SP110: variants seen among roughly 807,000 people sequenced by gnomAD.
SP110 encodes the protein SP110 nuclear body protein, also known as interferon-induced protein 41, 30kD.
A neutral mutation model predicts 92.7 loss-of-function variants in SP110; 62 were observed. That is an observed-to-expected ratio of 0.67 (90% CI 0.55 to 0.83). The LOEUF is 0.83. SP110 is among the 40% of genes least tolerant of loss of function. The pLI is 0.00. For missense variants in SP110, 793 were observed against 863.9 expected (o/e 0.92, Z 1.03); for synonymous variants, 273 against 305.3 (o/e 0.89, Z 1.10).
chr2:230,202,441 T>C, intron 9 of SP110, 138 bp downstream of exon 9: 3 of 768,666 alleles, frequency 3.9e-6, no homozygotes, highest in Non-Finnish European at 6.4e-6. Flanking sequence ...TTTGTTCCTC[T>C]TGTTATACCC....
At chr2:230,218,499 ATCAGTGCAAAG>A (rs1217717838) in intron 1 of SP110, among the ~76,000 whole-genome samples, 1 of 152,208 alleles carries the variant, frequency 6.6e-6, no homozygotes, top group Non-Finnish European at 1.5e-5. Context: ...TAGTGCAAAG[ATCAGTGCAAAG>A]TCAGAGAAAG....
In SP110 at chr2:230,212,898, CA is replaced by C. The variant is rs755463470; in HGVS notation, c.445del (p.Cys149ValfsTer22). ...LPPPQPPQPS[C>X]SPCAPRVSEP... ...ACTGACTCTTGGCGCACAGGGTGAA[CA>C]GCTTGGTTGAGGGGGTTGTGGTGGG... On this transcript the variant is annotated frameshift_variant, in exon 4 of 19. Transcript: ENST00000258381. LOFTEE classifies it high-confidence loss of function. 1 of 1,613,936 alleles carries C rather than the reference CA, an allele frequency of 6.2e-7. No homozygotes were observed. The highest frequency in any genetic ancestry group is 2.2e-5 in the East Asian group (1 of 44,868).
chr2:230,198,627 C>G (rs1242680216), intron 10 of SP110, among the ~76,000 whole-genome samples: 1 of 152,020 alleles, frequency 6.6e-6, no homozygotes, highest in Non-Finnish European at 1.5e-5. Flanking sequence ...TGGAGTCTTG[C>G]TCTGTTGCCC....
At chr2:230,179,276 G>A (rs2148719743) in intron 12 of SP110, among the ~76,000 whole-genome samples, 1 of 152,150 alleles carries the variant, frequency 6.6e-6, no homozygotes, top group East Asian at 1.9e-4. Flanking sequence ...AACCCTACAG[G>A]ATGCCTGGCC....
upstream of SP110, among the ~76,000 whole-genome samples, chr2:230,222,840 GTT>G (rs35018428): frequency 0.019 from 2,491 of 128,880 alleles, 47 homozygotes; most frequent in African/African-American, 0.052. Context: ...GTGTATTAAA[GTT>G]TTTTTTTTTT....
intron 10 of SP110, among the ~76,000 whole-genome samples, chr2:230,193,146 G>C (rs1226187640): frequency 2.0e-5 from 3 of 151,984 alleles, no homozygotes; most frequent in Non-Finnish European, 2.9e-5. Context: ...TTTAAAGTCT[G>C]TTTTATCTGA....
At chr2:230,181,061 G>C (rs1399052769) in intron 12 of SP110, among the ~76,000 whole-genome samples, 1 of 152,216 alleles carries the variant, frequency 6.6e-6, no homozygotes, top group Non-Finnish European at 1.5e-5. Context: ...ATGGTTATCA[G>C]GACCACTGCA....
chr2:230,212,522 C>T (rs887146242), intron 4 of SP110, 92 bp from the exon 5 acceptor site: 3 of 1,127,198 alleles, frequency 2.7e-6, no homozygotes, highest in Admixed American at 1.7e-5. Context: ...GATAGAGCAT[C>T]AAGGCACAAG....
At chr2:230,189,152 C>A (rs994766337) in intron 10 of SP110, among the ~76,000 whole-genome samples, 2 of 151,952 alleles carry the variant, frequency 1.3e-5, no homozygotes, top group African/African-American at 4.8e-5. Context: ...TTTCAAAGAA[C>A]CAGCTTTTTG....
chr2:230,209,335 C>T (rs867275060), intron 7 of SP110, among the ~76,000 whole-genome samples: 14 of 151,736 alleles, frequency 9.2e-5, no homozygotes, highest in African/African-American at 3.4e-4. Flanking sequence ...GTCTGTTATC[C>T]GTGTGTACCC....
At chr2:230,222,042 A>T (rs2045861375), upstream of SP110, among the ~76,000 whole-genome samples, 1 of 152,216 alleles carries the variant, frequency 6.6e-6, no homozygotes, top group African/African-American at 2.4e-5. Context: ...AGCCTTGCCA[A>T]CATGGCAAAA....
chr2:230,171,579 C>T, intron 17 of SP110, 117 bp downstream of exon 17: 2 of 813,160 alleles, frequency 2.5e-6, no homozygotes, highest in African/African-American at 1.7e-5. Context: ...CCACTGCTGC[C>T]ACGCTGCCCT....
chr2:230,204,605 A>T (rs1283726931), intron 8 of SP110, among the ~76,000 whole-genome samples: 3 of 150,292 alleles, frequency 2.0e-5, no homozygotes, highest in Admixed American at 1.3e-4. Context: ...GGTTTCTTTC[A>T]TTTTTTTTTC....
At chr2:230,218,387 G>A (rs1400531313) in intron 1 of SP110, among the ~76,000 whole-genome samples, 2 of 152,180 alleles carry the variant, frequency 1.3e-5, no homozygotes, top group Non-Finnish European at 2.9e-5. Flanking sequence ...AGGAAAACAA[G>A]AAAAGATGCC....
Position 230,168,919 on chromosome 2 carries a change from T to TA in SP110, c.*204_*205insT, listed in dbSNP as rs60834616. The TA allele has an allele frequency of 4.7e-6, 2 of 421,622 alleles. No individual in the cohort carries two copies. Among genetic ancestry groups the TA allele is most frequent in the Non-Finnish European group, 4.2e-6 (1 of 236,732 alleles). 26.1% of individuals were successfully genotyped at this position (421,622 alleles called of 1,614,324 possible). On this transcript the variant is annotated 3_prime_UTR_variant, in exon 19 of 19. Transcript: ENST00000258381. ...CTGATGGTATTAAGGAAGTATTAAT[T>TA]TTTTTTTTTTTTAGTGTAGATATAG...
intron 8 of SP110, among the ~76,000 whole-genome samples, chr2:230,204,694 C>T (rs2043565477): frequency 6.6e-6 from 1 of 151,696 alleles, no homozygotes. Flanking sequence ...TAAGTAATTA[C>T]AATAGAGTAT....
chr2:230,214,885 A>G (rs2044933569), intron 3 of SP110, 65 bp downstream of exon 3: 1 of 1,378,902 alleles, frequency 7.3e-7, no homozygotes. Context: ...CAGGGCTAGA[A>G]GTAAACCCAG....
At position 230,207,972 on chromosome 2, in the gene SP110, T is replaced by C. The variant is rs771033946; in HGVS notation, c.898+19A>G. The C allele has an allele frequency of 9.2e-6, 12 of 1,306,056 alleles. No individual in the cohort carries two copies. In the Admixed American group the frequency reaches 2.1e-4, roughly 23 times the overall value. The allele number at this position is 1,306,056 out of a possible 1,614,324, so 80.9% of individuals were successfully genotyped here. On this transcript the variant is annotated intron_variant, in intron 8 of 18. Transcript: ENST00000258381. ...GAGCTGTTTCCAGCCTCCAGCTTCC[T>C]CTTGTACTCTCATCTTACCTCCTGG...
chr2:230,186,369 G>C (rs1242412494), intron 10 of SP110, among the ~76,000 whole-genome samples: 1 of 152,182 alleles, frequency 6.6e-6, no homozygotes, highest in Non-Finnish European at 1.5e-5. Flanking sequence ...CACTAGTGTA[G>C]GGATTTGTGT....
Sources: allele counts gnomAD v4.1 joint callset (sites outside exome capture counted in the v4.1 genomes callset), GRCh38; gene constraint gnomAD v4.1.1; transcripts MANE v1.5; gene names NCBI Gene and HGNC (gene_info 2026-07-23, HGNC 2026-07-21).